DNAH10: variants seen among roughly 807,000 people sequenced by gnomAD.
The protein encoded by DNAH10 is axonemal beta dynein heavy chain 10.
DNAH10 carries 348 observed loss-of-function variants against 506.6 expected under a neutral mutation model. The ratio of observed to expected loss-of-function variants is 0.69; its 90% CI spans 0.63 to 0.75. The LOEUF (loss-of-function observed/expected upper bound fraction) is 0.75. DNAH10 is among the 30% of genes least tolerant of loss of function. The probability of loss-of-function intolerance (pLI) is 0.00; values close to 1 mark genes in which losing one functional copy is unlikely to be tolerated. For missense variants in DNAH10, 5,179 were observed against 5,787.1 expected (o/e 0.89, Z 3.41); for synonymous variants, 2,059 against 2,198.6 (o/e 0.94, Z 1.78).
At position 123,925,083 on chromosome 12, in the gene DNAH10, G is replaced by A. The variant is rs74845458; in HGVS notation, c.11800G>A (p.Val3934Ile). Reference sequence around the variant, plus strand: ...CCTGGATTCACTGGAGCAGTTTCCCGTCCCCTTGGGTTACGATAACAACAT... The same window carrying A: ...CCTGGATTCACTGGAGCAGTTTCCCATCCCCTTGGGTTACGATAACAACAT... The part of the protein sequence containing the change: ...YDLDSLEQFP[V>I]PLGYDNNITP... The change falls in exon 68 of 79, where the codon GTC becomes ATC. Residue 3934 changes from valine (V) to isoleucine (I), a missense_variant. Coordinates refer to ENST00000673944, the MANE Select transcript of DNAH10 (RefSeq NM_001372106.1). This position sits in a 1 kb window ranked among gnomAD's most constrained non-coding sequence, Gnocchi z 4.0. 74 of 1,613,784 alleles carry A rather than the reference G, an allele frequency of 4.6e-5. No individual in the cohort carries two copies. Among genetic ancestry groups the A allele is most frequent in the Non-Finnish European group, 5.8e-5 (69 of 1,179,880 alleles).
intron 59 of DNAH10, among the ~76,000 whole-genome samples, chr12:123,912,414 CG>C (rs535914110): frequency 2.5e-5 from 1 of 40,682 alleles, no homozygotes; most frequent in Non-Finnish European, 4.0e-5. Context: ...GGGTCTGTCC[CG>C]GGGGGGGTCT....
intron 41 of DNAH10, 109 bp downstream of exon 41, chr12:123,866,182 C>T: frequency 1.2e-6 from 1 of 806,050 alleles, no homozygotes. Flanking sequence ...TGTCCTTGAC[C>T]TGCCCATGTC....
At chr12:123,910,458 G>T in intron 58 of DNAH10, 78 bp from the exon 59 acceptor site, 1 of 1,539,386 alleles carries the variant, frequency 6.5e-7, no homozygotes, top group Non-Finnish European at 8.8e-7. Flanking sequence ...TAAGAAACTA[G>T]TTATGCTTAT....
Position 123,929,268 on chromosome 12 carries a change from T to G in DNAH10, c.12307-7T>G. 1.3e-6 allele frequency: 2 copies of G among 1,579,820 alleles called. No individual in the cohort carries two copies. Among genetic ancestry groups the G allele is most frequent in the East Asian group, 4.6e-5 (2 of 43,206 alleles). ...TCCATCACTGTGTGTTTTCTTCTCT[T>G]CTGAAGGTTGTCACCGAGCCACCCA... On this transcript the variant is annotated splice_region_variant and splice_polypyrimidine_tract_variant and intron_variant, in intron 70 of 78. Coordinates refer to ENST00000673944, the MANE Select transcript of DNAH10 (RefSeq NM_001372106.1).
chr12:123,819,253 A>G lies in DNAH10; in HGVS notation c.4000+3A>G, dbSNP rs767974623. The G allele has an allele frequency of 2.5e-6, 4 of 1,609,464 alleles. No homozygotes were observed. Among genetic ancestry groups the G allele is most frequent in the Non-Finnish European group, 3.4e-6 (4 of 1,177,350 alleles). ...TGTTGGTGATGATCTTGATAAAGGT[A>G]AGAATGTTCCTGTTGGTCTTACTGA... is the stretch of plus-strand genomic sequence containing the variant. On this transcript the variant is annotated splice_donor_region_variant and intron_variant, in intron 23 of 78. Coordinates refer to ENST00000673944, the MANE Select transcript of DNAH10 (RefSeq NM_001372106.1).
In DNAH10 at chr12:123,908,076, C is replaced by T. The variant is rs111484861; in HGVS notation, c.9816-1185C>T. Among the ~76,000 whole-genome samples, 625 of 128,322 alleles carry T rather than the reference C, an allele frequency of 4.9e-3. 7 individuals carry two copies. Among genetic ancestry groups the T allele is most frequent in the African/African-American group, 0.02 (588 of 29,710 alleles). The allele number at this position is 128,322 out of a possible 152,430, so 84.2% of individuals were successfully genotyped here. ...GCTGTCTGCTCAGGCTGTCTCCTCC[C>T]TGTCTCTCTGTCTCCTCCCTGTCTC... On this transcript the variant is annotated intron_variant, in intron 57 of 78. Transcript: ENST00000673944.
rs918288687 is a variant in DNAH10, at chr12:123,918,929, T to A, written c.11486T>A (p.Ile3829Asn). The A allele has an allele frequency of 2.5e-6, 4 of 1,612,998 alleles. No individual in the cohort carries two copies. Among genetic ancestry groups the A allele is most frequent in the Non-Finnish European group, 3.4e-6 (4 of 1,179,402 alleles). ...RNIMDTLTFSIYNHGCTGLFE... is the reference protein window; with the variant it reads ...RNIMDTLTFSNYNHGCTGLFE... ...ATCATGGACACGCTGACCTTCAGCA[T>A]CTATAACCACGGCTGCACAGGTGAG... is the stretch of plus-strand genomic sequence containing the variant. The change falls in exon 65 of 79, where the codon ATC becomes AAC. Residue 3829 changes from isoleucine (I) to asparagine (N), a missense_variant. Physicochemically the swap from Ile to Asn is moderately radical, Grantham distance 149 (BLOSUM62 -3). This residue lies in a region of DNAH10 where 4,844 missense variants were observed against 5,430.5 expected (regional missense o/e 0.89). Transcript: ENST00000673944.
At chr12:123,915,039 C>T in intron 62 of DNAH10, 40 bp downstream of exon 62, 1 of 1,565,242 alleles carries the variant, frequency 6.4e-7, no homozygotes, top group East Asian at 2.3e-5. Context: ...GCCCCCTATT[C>T]CTGTTCTCTG....
At chr12:123,910,457 A>G (rs1954013396) in intron 58 of DNAH10, 79 bp from the exon 59 acceptor site, 2 of 1,529,722 alleles carry the variant, frequency 1.3e-6, no homozygotes, top group Non-Finnish European at 8.9e-7. Flanking sequence ...ATAAGAAACT[A>G]GTTATGCTTA....
In DNAH10 at chr12:123,771,707, G is replaced by A. The variant is rs766533805; in HGVS notation, c.396+9G>A. ...AAAAACTCCCTTCCAAAGTAAGCATGGCTCTTTGTCCTTGTTGGTGGGGTA... is the reference window on the plus strand; with the variant it reads ...AAAAACTCCCTTCCAAAGTAAGCATAGCTCTTTGTCCTTGTTGGTGGGGTA... On this transcript the variant is annotated intron_variant, in intron 3 of 78. Transcript: ENST00000673944. 7.5e-6 allele frequency: 12 copies of A among 1,602,324 alleles called. No homozygotes were observed. The highest frequency in any genetic ancestry group is 1.1e-5 in the South Asian group (1 of 88,872).
Position 123,933,975 on chromosome 12 carries a change from G to C in DNAH10, c.13477+464G>C, listed in dbSNP as rs576563076. On this transcript the variant is annotated intron_variant, in intron 77 of 78. Transcript: ENST00000673944. ...ACTGTGCAAATGAGAGCTGGAAACT[G>C]CTGTTTCCCCGGGTCCATGTTGTCT... The C allele has an allele frequency of 3.2e-4, 151 of 476,544 alleles. 1 individual carries two copies. In the East Asian group the frequency reaches 4.7e-3, roughly 15 times the overall value. 29.5% of individuals were successfully genotyped at this position (476,544 alleles called of 1,614,324 possible). A position where few individuals can be genotyped will look rare whatever the true frequency, so the allele number is the denominator to read the frequency against.
At chr12:123,836,720 G>T (rs1196481269) in intron 28 of DNAH10, among the ~76,000 whole-genome samples, 1 of 152,108 alleles carries the variant, frequency 6.6e-6, no homozygotes, top group African/African-American at 2.4e-5. Flanking sequence ...AAACTTAAAA[G>T]AATTGTACAA....
intron 2 of DNAH10, among the ~76,000 whole-genome samples, chr12:123,770,257 T>G (rs1006501592): frequency 4.8e-5 from 5 of 103,594 alleles, no homozygotes; most frequent in Admixed American, 2.1e-4. Context: ...AAAAAAAAAT[T>G]TTTTTTTAAA....
chr12:123,820,484 G>T, intron 23 of DNAH10, 96 bp from the exon 24 acceptor site: 1 of 1,287,864 alleles, frequency 7.8e-7, no homozygotes, highest in Admixed American at 2.5e-5. Context: ...TTATGAGGAT[G>T]AAATTATAAT....
chr12:123,771,362 G>A (rs1427405406), intron 2 of DNAH10, among the ~76,000 whole-genome samples: 4 of 152,086 alleles, frequency 2.6e-5, no homozygotes, highest in African/African-American at 4.8e-5. Flanking sequence ...CTGAGAGAAC[G>A]CAGACACAAA....
At chr12:123,774,327 T>C (rs1957361134) in intron 5 of DNAH10, 63 bp downstream of exon 5, 1 of 1,300,252 alleles carries the variant, frequency 7.7e-7, no homozygotes. Flanking sequence ...GGTTTGTTTA[T>C]TCCACAAATA....
chr12:123,826,134 A>AAAAAAT (rs1959967322), intron 24 of DNAH10, among the ~76,000 whole-genome samples: 1 of 150,528 alleles, frequency 6.6e-6, no homozygotes, highest in Non-Finnish European at 1.5e-5. Flanking sequence ...AAAAAAATAA[A>AAAAAAT]AATAATAATT....
chr12:123,819,085 T>C lies in DNAH10; in HGVS notation c.3897+19T>C. 6.3e-7 allele frequency: 1 copy of C among 1,599,212 alleles called. No homozygotes were observed. The highest frequency in any genetic ancestry group is 8.5e-7 in the Non-Finnish European group (1 of 1,171,848). Reference sequence around the variant, plus strand: ...CACAGAGGTACCTTTTAAATTTCACTTCCTGAGTAAAGACATTGAAAAACG... The same window carrying C: ...CACAGAGGTACCTTTTAAATTTCACCTCCTGAGTAAAGACATTGAAAAACG... On this transcript the variant is annotated intron_variant, in intron 22 of 78. Coordinates refer to ENST00000673944, the MANE Select transcript of DNAH10 (RefSeq NM_001372106.1).
chr12:123,867,735 GTGCT>G (rs1053247162), intron 42 of DNAH10, 134 bp downstream of exon 42: 6 of 1,408,562 alleles, frequency 4.3e-6, no homozygotes, highest in Admixed American at 4.7e-5. Flanking sequence ...GGCGGGCGCC[GTGCT>G]TGCTTTTGTG....
Sources: allele counts gnomAD v4.1 joint callset (sites outside exome capture counted in the v4.1 genomes callset), GRCh38; gene constraint gnomAD v4.1.1; regional missense constraint gnomAD v4.1.1; non-coding constraint Gnocchi (gnomAD v3.1); transcripts MANE v1.5; gene names NCBI Gene and HGNC (gene_info 2026-07-23, HGNC 2026-07-21).